CRPPA: variants seen among roughly 807,000 people sequenced by gnomAD.
CRPPA encodes D-ribitol-5-phosphate cytidylyltransferase.
CRPPA carries 43 observed loss-of-function variants against 52.0 expected under a neutral mutation model. The observed-to-expected ratio is 0.83, with a 90% CI of 0.65 to 1.07. CRPPA has a LOEUF of 1.07. CRPPA is among the 50% of genes least tolerant of loss of function. The pLI, the probability that CRPPA is intolerant of heterozygous loss-of-function variation, is 0.00. For synonymous variants in CRPPA, 250 were observed against 203.5 expected (o/e 1.23, Z -1.94); for missense variants, 629 against 551.7 (o/e 1.14, Z -1.40).
intron 6 of CRPPA, among the ~76,000 whole-genome samples, chr7:16,277,521 A>G (rs983099669): frequency 6.6e-5 from 10 of 152,222 alleles, no homozygotes; most frequent in Non-Finnish European, 1.3e-4. Flanking sequence ...ATTAATTAAA[A>G]TGTACAAAAA....
At chr7:16,170,357 A>G (rs1423720619) in intron 9 of CRPPA, among the ~76,000 whole-genome samples, 1 of 152,136 alleles carries the variant, frequency 6.6e-6, no homozygotes, top group African/African-American at 2.4e-5. Flanking sequence ...TAAGCCGCAG[A>G]CCCTCGCGGT....
intron 3 of CRPPA, among the ~76,000 whole-genome samples, chr7:16,360,187 C>G (rs1238159732): frequency 6.6e-6 from 1 of 152,122 alleles, no homozygotes; most frequent in Admixed American, 6.5e-5. Flanking sequence ...TCTAAGGATT[C>G]TACAGTAAGT....
intron 3 of CRPPA, among the ~76,000 whole-genome samples, chr7:16,318,373 T>C (rs1348938686): frequency 6.6e-6 from 1 of 152,064 alleles, no homozygotes; most frequent in Non-Finnish European, 1.5e-5. Flanking sequence ...GACCCAAATA[T>C]CTCTACAAGG....
At chr7:16,366,306 C>T (rs1562656245) in intron 3 of CRPPA, among the ~76,000 whole-genome samples, 1 of 152,180 alleles carries the variant, frequency 6.6e-6, no homozygotes, top group South Asian at 2.1e-4. Context: ...GACGTTCAGA[C>T]CATAGCAATA....
At chr7:16,333,090 G>A (rs533240288) in intron 3 of CRPPA, among the ~76,000 whole-genome samples, 2 of 152,116 alleles carry the variant, frequency 1.3e-5, no homozygotes, top group Admixed American at 1.3e-4. Flanking sequence ...AATGTGCCTG[G>A]ACCTAACAAG....
chr7:16,357,160 GATATTTATTTAT>G (rs1786318652), intron 3 of CRPPA, among the ~76,000 whole-genome samples: 2 of 127,796 alleles, frequency 1.6e-5, no homozygotes, highest in Non-Finnish European at 3.3e-5. Flanking sequence ...GCCTTTAGGG[GATATTTATTTAT>G]TTATTTATTT....
intron 9 of CRPPA, among the ~76,000 whole-genome samples, chr7:16,109,258 G>A (rs1229600037): frequency 1.3e-5 from 2 of 151,676 alleles, no homozygotes; most frequent in East Asian, 1.9e-4. Flanking sequence ...AAAATACAAA[G>A]GGTAAGAGAC....
intron 9 of CRPPA, chr7:16,209,104 C>G: frequency 2.8e-6 from 1 of 356,778 alleles, no homozygotes; most frequent in Non-Finnish European, 5.5e-6. Context: ...GCAGACTAAG[C>G]CAATTATCCA....
intron 8 of CRPPA, among the ~76,000 whole-genome samples, chr7:16,234,479 A>G (rs186664484): frequency 1.0e-3 from 153 of 152,270 alleles, no homozygotes; most frequent in South Asian, 3.1e-3. Flanking sequence ...AAATTTTTTA[A>G]TTGAATTCTA....
intron 3 of CRPPA, among the ~76,000 whole-genome samples, chr7:16,323,987 C>T (rs1785319644): frequency 6.6e-6 from 1 of 152,132 alleles, no homozygotes; most frequent in Non-Finnish European, 1.5e-5. Context: ...AGGAAGGCAA[C>T]ACAATCAGTA....
chr7:16,345,038 C>T (rs1785972458), intron 3 of CRPPA, among the ~76,000 whole-genome samples: 1 of 152,034 alleles, frequency 6.6e-6, no homozygotes, highest in African/African-American at 2.4e-5. Context: ...ACAATCAGGT[C>T]CGCATATAAA....
At chr7:16,127,242 G>A (rs1782598421) in intron 9 of CRPPA, among the ~76,000 whole-genome samples, 1 of 151,916 alleles carries the variant, frequency 6.6e-6, no homozygotes, top group Non-Finnish European at 1.5e-5. Flanking sequence ...AGGAAAAGAG[G>A]GATGAGAATC....
chr7:16,354,021 G>C (rs1284011761), intron 3 of CRPPA, among the ~76,000 whole-genome samples: 1 of 151,488 alleles, frequency 6.6e-6, no homozygotes, highest in African/African-American at 2.4e-5. Context: ...ACTTATAAAA[G>C]GAATCAAGCA....
At chr7:16,099,461 A>T (rs1781999408) in intron 9 of CRPPA, among the ~76,000 whole-genome samples, 1 of 148,788 alleles carries the variant, frequency 6.7e-6, no homozygotes, top group African/African-American at 2.5e-5. Flanking sequence ...AAAGGGCAGG[A>T]AAAACATAAG....
chr7:16,415,809 G>C (rs1452591150), intron 1 of CRPPA, among the ~76,000 whole-genome samples: 1 of 152,170 alleles, frequency 6.6e-6, no homozygotes, highest in Non-Finnish European at 1.5e-5. Flanking sequence ...CAAGGAAGTA[G>C]TGGAAACAAA....
intron 6 of CRPPA, among the ~76,000 whole-genome samples, chr7:16,271,898 C>T (rs1178244079): frequency 6.6e-6 from 1 of 152,184 alleles, no homozygotes; most frequent in Admixed American, 6.5e-5. Flanking sequence ...GTGACTATAT[C>T]ATGACAGGCA....
At chr7:16,193,175 C>T (rs937393615) in intron 9 of CRPPA, among the ~76,000 whole-genome samples, 17 of 152,162 alleles carry the variant, frequency 1.1e-4, no homozygotes, top group African/African-American at 2.9e-4. Context: ...ACATGATATA[C>T]GTATCCATTT....
chr7:16,375,140 C>T (rs1786848215), intron 3 of CRPPA, among the ~76,000 whole-genome samples: 1 of 152,174 alleles, frequency 6.6e-6, no homozygotes, highest in Non-Finnish European at 1.5e-5. Context: ...TTGCCATGTT[C>T]TACGATGACC....
chr7:16,302,295 C>CAAAAA (rs34666735), intron 4 of CRPPA, among the ~76,000 whole-genome samples: 1,043 of 53,350 alleles, frequency 0.02, 235 homozygotes, highest in African/African-American at 0.077. Flanking sequence ...GACTCTGTCT[C>CAAAAA]AAAAAAAAAA....
Sources: allele counts gnomAD v4.1 joint callset (sites outside exome capture counted in the v4.1 genomes callset), GRCh38; gene constraint gnomAD v4.1.1; transcripts MANE v1.5; gene names NCBI Gene and HGNC (gene_info 2026-07-23, HGNC 2026-07-21).